Variants in BTLA observed in about 807,000 individuals in gnomAD.
BTLA encodes the protein B- and T-lymphocyte attenuator.
BTLA carries 11 observed loss-of-function variants against 25.0 expected under a neutral mutation model. The ratio of observed to expected loss-of-function variants is 0.44; its 90% CI spans 0.28 to 0.73. The LOEUF (loss-of-function observed/expected upper bound fraction) is 0.73. Ranked by LOEUF, BTLA falls within the 30% of genes least tolerant of loss-of-function variation. BTLA has a pLI of 0.15. For synonymous variants in BTLA, 104 were observed against 119.8 expected, an observed-to-expected ratio of 0.87 and a Z score of 0.86; for missense variants, 282 against 332.8, an observed-to-expected ratio of 0.85 and a Z score of 1.19.
At position 112,496,709 on chromosome 3, in the gene BTLA, T is replaced by G. The variant is rs868836237; in HGVS notation, c.88+2562A>C. On this transcript the variant is annotated intron_variant, in intron 1 of 4. Coordinates refer to ENST00000334529, the MANE Select transcript of BTLA (RefSeq NM_181780.4). ...AGCTTTAATTTAATGCAACTGCTGC[T>G]GCAATCCATTATATCAACTGGTATA... Among the ~76,000 whole-genome samples, 9 of 152,344 alleles carry G rather than the reference T, an allele frequency of 5.9e-5. 1 individual carries two copies. The South Asian group carries it at 6.2e-4, about 11-fold the overall frequency.
intron 1 of BTLA, among the ~76,000 whole-genome samples, chr3:112,492,357 C>T (rs2082384740): frequency 6.6e-6 from 1 of 152,212 alleles, no homozygotes; most frequent in African/African-American, 2.4e-5. Flanking sequence ...AAATTTTCCA[C>T]CTTTGTCACA....
chr3:112,486,309 C>T (rs891319168), intron 1 of BTLA, among the ~76,000 whole-genome samples: 2 of 152,136 alleles, frequency 1.3e-5, no homozygotes, highest in Admixed American at 6.6e-5. Context: ...GTCTAGAGTA[C>T]ATCATTTGAG....
chr3:112,480,175 G>A (rs1461589972), intron 1 of BTLA, among the ~76,000 whole-genome samples: 1 of 151,998 alleles, frequency 6.6e-6, no homozygotes, highest in African/African-American at 2.4e-5. Flanking sequence ...CCCTTAAGAA[G>A]TTTCTTTGTA....
chr3:112,498,016 G>C (rs960198930), intron 1 of BTLA, among the ~76,000 whole-genome samples: 1 of 152,052 alleles, frequency 6.6e-6, no homozygotes, highest in Non-Finnish European at 1.5e-5. Context: ...TGCATCCATA[G>C]CTTGGCTGAC....
chr3:112,479,298 A>T (rs1014532729), intron 2 of BTLA, among the ~76,000 whole-genome samples, 157 bp downstream of exon 2: 1 of 152,174 alleles, frequency 6.6e-6, no homozygotes, highest in African/African-American at 2.4e-5. Flanking sequence ...ACACACACAT[A>T]TGTACACACT....
intron 1 of BTLA, among the ~76,000 whole-genome samples, chr3:112,490,165 T>C (rs1298114373): frequency 6.6e-6 from 1 of 152,198 alleles, no homozygotes; most frequent in African/African-American, 2.4e-5. Flanking sequence ...GAGTTCCACC[T>C]CATATAGAAA....
At chr3:112,477,541 G>C (rs573622736) in intron 2 of BTLA, among the ~76,000 whole-genome samples, 122 of 152,048 alleles carry the variant, frequency 8.0e-4, no homozygotes, top group African/African-American at 2.8e-3. Context: ...TAGGTTGCCA[G>C]TCTATTTGTT....
intron 1 of BTLA, among the ~76,000 whole-genome samples, chr3:112,485,762 G>A (rs2082343623): frequency 6.6e-6 from 1 of 152,082 alleles, no homozygotes; most frequent in Non-Finnish European, 1.5e-5. Flanking sequence ...ATTCATATCT[G>A]ATGACAGGAA....
intron 4 of BTLA, 127 bp downstream of exon 4, chr3:112,469,631 A>AGTACATAGAATATGTATATAC (rs11267594): frequency 0.3 from 47,656 of 160,556 alleles, 9,043 homozygotes; most frequent in East Asian, 0.51. Flanking sequence ...ATATATATAT[A>AGTACATAGAATATGTATATAC]TATATATATA....
intron 2 of BTLA, among the ~76,000 whole-genome samples, chr3:112,473,269 C>G (rs1209105053): frequency 6.6e-6 from 1 of 152,010 alleles, no homozygotes. Flanking sequence ...GAGAATCCAA[C>G]AATCTATCTC....
chr3:112,467,656 A>G (rs75842603), intron 4 of BTLA, among the ~76,000 whole-genome samples: 2,766 of 152,286 alleles, frequency 0.018, 80 homozygotes, highest in East Asian at 0.074. Flanking sequence ...CTGAGAAGCT[A>G]TGTAAGAATT....
chr3:112,483,038 A>G (rs528650185), intron 1 of BTLA, among the ~76,000 whole-genome samples: 3 of 152,174 alleles, frequency 2.0e-5, no homozygotes, highest in African/African-American at 7.2e-5. Context: ...TGCTAGAATT[A>G]TAAAAAACAA....
At chr3:112,497,729 T>C (rs1479420479) in intron 1 of BTLA, among the ~76,000 whole-genome samples, 1 of 152,106 alleles carries the variant, frequency 6.6e-6, no homozygotes, top group Non-Finnish European at 1.5e-5. Context: ...CACTTGGTTG[T>C]GTGGCATCCT....
chr3:112,471,485 G>T, intron 2 of BTLA, 130 bp from the exon 3 acceptor site: 1 of 1,022,022 alleles, frequency 9.8e-7, no homozygotes, highest in Non-Finnish European at 1.4e-6. Flanking sequence ...CCCTTCAGAG[G>T]CATTCCTCAA....
chr3:112,485,378 A>G (rs527433994), intron 1 of BTLA, among the ~76,000 whole-genome samples: 2 of 152,266 alleles, frequency 1.3e-5, no homozygotes, highest in African/African-American at 2.4e-5. Context: ...CCATCTGACA[A>G]GCTTGTTAAC....
At chr3:112,498,478 T>A (rs1465109785) in intron 1 of BTLA, among the ~76,000 whole-genome samples, 3 of 151,328 alleles carry the variant, frequency 2.0e-5, no homozygotes, top group South Asian at 4.2e-4. Flanking sequence ...AAGCTTCTGA[T>A]GAGCCACTCA....
chr3:112,490,071 C>T (rs1413155710), intron 1 of BTLA, among the ~76,000 whole-genome samples: 1 of 152,146 alleles, frequency 6.6e-6, no homozygotes, highest in African/African-American at 2.4e-5. Context: ...CATCAGAAAA[C>T]CCAGGTAGCA....
chr3:112,476,652 C>T (rs1163147835), intron 2 of BTLA, among the ~76,000 whole-genome samples: 1 of 152,182 alleles, frequency 6.6e-6, no homozygotes, highest in Non-Finnish European at 1.5e-5. Context: ...GGGCACTCTT[C>T]TTTGATCCAA....
intron 1 of BTLA, among the ~76,000 whole-genome samples, chr3:112,493,970 C>T (rs887639488): frequency 6.6e-6 from 1 of 152,116 alleles, no homozygotes; most frequent in Non-Finnish European, 1.5e-5. Context: ...ATTAGCCAGG[C>T]GTGGTGGCAG....
Sources: allele counts gnomAD v4.1 joint callset (sites outside exome capture counted in the v4.1 genomes callset), GRCh38; gene constraint gnomAD v4.1.1; transcripts MANE v1.5; gene names NCBI Gene and HGNC (gene_info 2026-07-23, HGNC 2026-07-21).